The following ST3GAL6 variants were observed in gnomAD, a reference collection of about 807,000 sequenced individuals.
ST3GAL6 encodes the protein ST3 beta-galactoside alpha-2,3-sialyltransferase 6.
ST3GAL6 carries 31 observed loss-of-function variants against 40.5 expected under a neutral mutation model. That is an observed-to-expected ratio of 0.77 (90% confidence interval 0.58 to 1.03). The LOEUF (loss-of-function observed/expected upper bound fraction) is 1.03, where lower values mean the gene tolerates loss of function less well. Among genes scored for constraint, ST3GAL6 ranks in the 50% least tolerant of loss-of-function variants. ST3GAL6 has a pLI of 0.00. For missense variants in ST3GAL6, 357 were observed against 393.2 expected (o/e 0.91, Z 0.78); for synonymous variants, 129 against 136.9 (o/e 0.94, Z 0.40).
At chr3:98,746,985 C>T (rs1040935388) in intron 1 of ST3GAL6, among the ~76,000 whole-genome samples, 6 of 152,166 alleles carry the variant, frequency 3.9e-5, no homozygotes, top group Non-Finnish European at 7.4e-5. Context: ...AAAGACCAGG[C>T]TCGTTCATGC....
chr3:98,760,171 C>T (rs1458132194), upstream of ST3GAL6, among the ~76,000 whole-genome samples: 1 of 152,174 alleles, frequency 6.6e-6, no homozygotes, highest in East Asian at 1.9e-4. Context: ...CAGTTCCCCT[C>T]AAAAACTGTT....
upstream of ST3GAL6, among the ~76,000 whole-genome samples, chr3:98,758,491 G>C (rs1340424007): frequency 6.6e-6 from 1 of 152,096 alleles, no homozygotes; most frequent in East Asian, 1.9e-4. Flanking sequence ...ATTATGAAAA[G>C]CATAAAAAAG....
At chr3:98,737,344 C>T (rs1935640303) in intron 1 of ST3GAL6, among the ~76,000 whole-genome samples, 2 of 152,216 alleles carry the variant, frequency 1.3e-5, no homozygotes, top group South Asian at 2.1e-4. Flanking sequence ...AGCCACCACA[C>T]GCGGCCCCTT....
chr3:98,783,709 G>A (rs13080057), intron 5 of ST3GAL6: 71,009 of 984,718 alleles, frequency 0.072, 2,799 homozygotes, highest in Non-Finnish European at 0.081. Context: ...AGCCCTCCCC[G>A]CCCCCAAGTC....
intron 2 of ST3GAL6, 130 bp downstream of exon 2, chr3:98,768,659 T>C: frequency 1.4e-6 from 1 of 697,442 alleles, no homozygotes; most frequent in Middle Eastern, 3.7e-4. Flanking sequence ...CCATTGTAAA[T>C]TGGGGTTTTA....
At chr3:98,792,147 G>A (rs1052411761) in intron 9 of ST3GAL6, 154 bp downstream of exon 9, 4 of 635,662 alleles carry the variant, frequency 6.3e-6, no homozygotes, top group Admixed American at 3.8e-5. Flanking sequence ...ACCAAGGGCT[G>A]TAACTAGAAC....
intron 1 of ST3GAL6, among the ~76,000 whole-genome samples, chr3:98,736,218 C>G (rs1346102681): frequency 6.6e-6 from 1 of 152,172 alleles, no homozygotes; most frequent in Non-Finnish European, 1.5e-5. Context: ...AGGAGATTTT[C>G]TTAAAAACAT....
At chr3:98,761,095 A>G (rs944142478), upstream of ST3GAL6, among the ~76,000 whole-genome samples, 1 of 152,170 alleles carries the variant, frequency 6.6e-6, no homozygotes, top group Admixed American at 6.5e-5. Flanking sequence ...GAACAAAGGA[A>G]CTTTTGAGGT....
At position 98,756,681 on chromosome 3, in the gene ST3GAL6, T is replaced by A. The variant is rs926405709; in HGVS notation, c.-11-11749T>A. 1.3e-5 allele frequency: 9 copies of A among 713,268 alleles called. No homozygotes were observed. In the Admixed American group the frequency reaches 1.3e-4, roughly 10 times the overall value. 44.2% of individuals were successfully genotyped at this position (713,268 alleles called of 1,614,324 possible). The stretch of plus-strand genomic sequence containing the variant: ...AATACAGGTGCCTGCTATTTTTTTC[T>A]CTTACTAGTTTTGCAGCCTGGGGGC... On this transcript the variant is annotated intron_variant, in intron 1 of 9. Transcript: ENST00000265261.
chr3:98,791,425 G>T (rs1412283180), intron 8 of ST3GAL6, among the ~76,000 whole-genome samples: 1 of 152,122 alleles, frequency 6.6e-6, no homozygotes. Flanking sequence ...GATTCCATCC[G>T]TTTGTGAATG....
intron 9 of ST3GAL6, among the ~76,000 whole-genome samples, chr3:98,792,885 G>A (rs1460816107): frequency 6.6e-6 from 1 of 152,036 alleles, no homozygotes; most frequent in Non-Finnish European, 1.5e-5. Flanking sequence ...TAAATTAGTA[G>A]TGCATCACAA....
At chr3:98,746,970 A>G (rs1390820364) in intron 1 of ST3GAL6, among the ~76,000 whole-genome samples, 2 of 152,192 alleles carry the variant, frequency 1.3e-5, no homozygotes. Flanking sequence ...AACCACTTCA[A>G]GACTAAAGAC....
At chr3:98,774,035 T>C in intron 5 of ST3GAL6, 52 bp downstream of exon 5, 1 of 1,405,826 alleles carries the variant, frequency 7.1e-7, no homozygotes, top group South Asian at 1.2e-5. Flanking sequence ...GCTAAGCTGG[T>C]TCAAAATATG....
chr3:98,739,666 G>T (rs1189922684), intron 1 of ST3GAL6, among the ~76,000 whole-genome samples: 1 of 152,168 alleles, frequency 6.6e-6, no homozygotes, highest in Non-Finnish European at 1.5e-5. Flanking sequence ...AGGGGTGGAG[G>T]AAGCAGATAT....
At position 98,795,106 on chromosome 3, in the gene ST3GAL6, A is replaced by G. The variant is rs559284038; in HGVS notation, c.*1345A>G. ...TCCTATATTTTAATAAATGTAACCA[A>G]AGGCCATCTGGAGGTAGGGGAATGA... is the stretch of plus-strand genomic sequence containing the variant. On this transcript the variant is annotated 3_prime_UTR_variant, in exon 10 of 10. Coordinates refer to ENST00000483910, the MANE Select transcript of ST3GAL6 (RefSeq NM_001323368.2). The G allele has an allele frequency of 1.3e-5, 2 of 152,320 alleles. No homozygotes were observed. Among genetic ancestry groups the G allele is most frequent in the South Asian group, 4.1e-4 (2 of 4,824 alleles). The allele number at this position is 152,320 out of a possible 1,614,324, so 9.4% of individuals were successfully genotyped here.
intron 1 of ST3GAL6, among the ~76,000 whole-genome samples, chr3:98,765,504 C>T (rs996463200): frequency 4.6e-5 from 7 of 152,120 alleles, no homozygotes; most frequent in African/African-American, 1.7e-4. Flanking sequence ...CTTTGATGCT[C>T]CACACAAAAT....
intron 5 of ST3GAL6, among the ~76,000 whole-genome samples, chr3:98,780,095 CA>C (rs1228924972): frequency 6.6e-6 from 1 of 152,206 alleles, no homozygotes; most frequent in African/African-American, 2.4e-5. Context: ...GCCAGAATCA[CA>C]AGCCAAATGG....
Position 98,795,448 on chromosome 3 carries a change from C to T in ST3GAL6, c.*1687C>T, listed in dbSNP as rs278384. ...TTGCAGAGTCCCACAGTTTTGATTC[C>T]TCTTATAACTTTTTGAGGTGCAAAA... On this transcript the variant is annotated 3_prime_UTR_variant, in exon 10 of 10. Coordinates refer to ENST00000483910, the MANE Select transcript of ST3GAL6 (RefSeq NM_001323368.2). 0.97 allele frequency: 147,909 copies of T among 152,298 alleles called. 71,984 individuals carry two copies. Among genetic ancestry groups the T allele is most frequent in the Non-Finnish European group, 1 (68,032 of 68,052 alleles). The allele number at this position is 152,298 out of a possible 1,614,324, so 9.4% of individuals were successfully genotyped here.
At chr3:98,736,097 T>C (rs1935521840) in intron 1 of ST3GAL6, among the ~76,000 whole-genome samples, 1 of 152,202 alleles carries the variant, frequency 6.6e-6, no homozygotes, top group South Asian at 2.1e-4. Flanking sequence ...TTTGGTCATC[T>C]AGGAGGATTG....
Sources: allele counts gnomAD v4.1 joint callset (sites outside exome capture counted in the v4.1 genomes callset), GRCh38; gene constraint gnomAD v4.1.1; transcripts MANE v1.5; gene names NCBI Gene and HGNC (gene_info 2026-07-23, HGNC 2026-07-21).